The following COG5 variants were observed in gnomAD, a reference collection of about 807,000 sequenced individuals.
COG5 encodes component of oligomeric golgi complex 5.
A neutral mutation model predicts 110.4 loss-of-function variants in COG5; 86 were observed. That is an observed-to-expected ratio of 0.78 (90% CI 0.65 to 0.93). The LOEUF is 0.93. Ranked by LOEUF, COG5 falls within the 40% of genes least tolerant of loss-of-function variation. COG5 has a pLI of 0.00. For synonymous variants in COG5, 360 were observed against 334.6 expected, an observed-to-expected ratio of 1.08 and a Z score of -0.83; for missense variants, 1,077 against 987.0, an observed-to-expected ratio of 1.09 and a Z score of -1.22.
intron 8 of COG5, among the ~76,000 whole-genome samples, chr7:107,363,975 T>C (rs896436612): frequency 6.6e-6 from 1 of 151,830 alleles, no homozygotes; most frequent in Non-Finnish European, 1.5e-5. Flanking sequence ...AAAAAAGTTA[T>C]TGAGAACAAG....
chr7:107,221,981 G>C (rs372945142), intron 19 of COG5, among the ~76,000 whole-genome samples: 1 of 151,854 alleles, frequency 6.6e-6, no homozygotes, highest in African/African-American at 2.4e-5. Context: ...TATTCTTGAC[G>C]CAAACTGTAA....
At chr7:107,264,683 AT>A (rs1239491248) in intron 14 of COG5, among the ~76,000 whole-genome samples, 2 of 152,166 alleles carry the variant, frequency 1.3e-5, no homozygotes, top group East Asian at 3.8e-4. Context: ...ACAGATCCAG[AT>A]CCTGTCTCAA....
chr7:107,509,924 G>A (rs183627574), intron 6 of COG5, among the ~76,000 whole-genome samples: 253 of 152,156 alleles, frequency 1.7e-3, no homozygotes, highest in Middle Eastern at 3.4e-3. Context: ...AGGAACAACC[G>A]GTACCAGCCA....
intron 6 of COG5, among the ~76,000 whole-genome samples, chr7:107,477,214 A>C (rs1413196316): frequency 6.6e-6 from 1 of 151,748 alleles, no homozygotes; most frequent in Non-Finnish European, 1.5e-5. Context: ...CCAGGAAATA[A>C]AACAAGCTCA....
At chr7:107,331,105 T>C (rs549080366) in intron 10 of COG5, among the ~76,000 whole-genome samples, 21 of 152,304 alleles carry the variant, frequency 1.4e-4, no homozygotes, top group Admixed American at 1.2e-3. Context: ...AAGGTATGTC[T>C]ACATTCATCA....
At chr7:107,442,534 G>A (rs1234455307) in intron 6 of COG5, among the ~76,000 whole-genome samples, 1 of 149,334 alleles carries the variant, frequency 6.7e-6, no homozygotes, top group African/African-American at 2.5e-5. Flanking sequence ...GTAAACATCA[G>A]CCCAACAGTA....
At chr7:107,229,593 T>G (rs1482764831) in intron 19 of COG5, among the ~76,000 whole-genome samples, 2 of 152,222 alleles carry the variant, frequency 1.3e-5, no homozygotes, top group Non-Finnish European at 2.9e-5. Context: ...TCAATGTTAT[T>G]CAACGTTCCT....
At chr7:107,511,572 G>T (rs1186067099) in intron 6 of COG5, among the ~76,000 whole-genome samples, 2 of 152,122 alleles carry the variant, frequency 1.3e-5, no homozygotes, top group Admixed American at 1.3e-4. Flanking sequence ...TGATACCAAA[G>T]CCTGGCAGAG....
At chr7:107,344,064 C>G (rs940193926) in intron 10 of COG5, among the ~76,000 whole-genome samples, 2 of 152,052 alleles carry the variant, frequency 1.3e-5, no homozygotes, top group African/African-American at 4.8e-5. Flanking sequence ...TTAATGTTAC[C>G]AGGGGCATTA....
At chr7:107,337,823 T>C (rs982242417) in intron 10 of COG5, among the ~76,000 whole-genome samples, 5 of 152,086 alleles carry the variant, frequency 3.3e-5, no homozygotes, top group Non-Finnish European at 7.4e-5. Context: ...CACATGGAAA[T>C]AGGTACCTGA....
At chr7:107,431,798 G>A (rs1794043987) in intron 6 of COG5, among the ~76,000 whole-genome samples, 1 of 152,082 alleles carries the variant, frequency 6.6e-6, no homozygotes, top group Admixed American at 6.5e-5. Flanking sequence ...TGGGACCACA[G>A]GCATGCACCA....
intron 3 of COG5, among the ~76,000 whole-genome samples, chr7:107,551,455 A>T (rs1296080883): frequency 2.0e-5 from 3 of 152,218 alleles, no homozygotes; most frequent in Admixed American, 6.5e-5. Context: ...TGCTAAAAAA[A>T]TTTTACATAT....
intron 10 of COG5, among the ~76,000 whole-genome samples, chr7:107,329,181 CA>C (rs1466404045): frequency 1.3e-5 from 2 of 152,124 alleles, no homozygotes; most frequent in Non-Finnish European, 2.9e-5. Flanking sequence ...TATCCTAATA[CA>C]ATTGTTGAAT....
chr7:107,474,936 T>C lies in COG5; in HGVS notation c.538+52301A>G. 1 of 1,612,918 alleles carries C rather than the reference T, an allele frequency of 6.2e-7. No homozygotes were observed. Among genetic ancestry groups the C allele is most frequent in the Non-Finnish European group, 8.5e-7 (1 of 1,179,438 alleles). On this transcript the variant is annotated intron_variant, in intron 6 of 21. Transcript: ENST00000297135. The surrounding 1 kb of genome is among the most constrained non-coding windows in gnomAD (Gnocchi z 5.7). ...TAAGAACTTCAGTTTCTGTAATAAT[T>C]GCCCTCCGGCGAGCTGTGAAACGAC...
intron 12 of COG5, among the ~76,000 whole-genome samples, chr7:107,297,103 A>G (rs1806814548): frequency 1.3e-5 from 2 of 152,118 alleles, no homozygotes; most frequent in African/African-American, 4.8e-5. Context: ...GTGACCTAAG[A>G]GATTTTCAGG....
At chr7:107,509,923 C>T (rs191562264) in intron 6 of COG5, among the ~76,000 whole-genome samples, 311 of 152,206 alleles carry the variant, frequency 2.0e-3, no homozygotes, top group African/African-American at 5.3e-3. Flanking sequence ...AAGGAACAAC[C>T]GGTACCAGCC....
intron 11 of COG5, among the ~76,000 whole-genome samples, chr7:107,318,228 A>G (rs1808935794): frequency 6.6e-6 from 1 of 152,082 alleles, no homozygotes; most frequent in South Asian, 2.1e-4. Context: ...GGGTTTCACC[A>G]TGTTGGCCAG....
At chr7:107,446,792 A>C (rs1164633915) in intron 6 of COG5, among the ~76,000 whole-genome samples, 2 of 152,152 alleles carry the variant, frequency 1.3e-5, no homozygotes, top group Non-Finnish European at 2.9e-5. Flanking sequence ...ACTTCACTAC[A>C]ACCTCATGAG....
intron 10 of COG5, among the ~76,000 whole-genome samples, chr7:107,339,499 T>C (rs571964613): frequency 6.6e-6 from 1 of 152,148 alleles, no homozygotes; most frequent in African/African-American, 2.4e-5. Context: ...ATTCTGGACT[T>C]AAGTTCAGCA....
Sources: allele counts gnomAD v4.1 joint callset (sites outside exome capture counted in the v4.1 genomes callset), GRCh38; gene constraint gnomAD v4.1.1; non-coding constraint Gnocchi (gnomAD v3.1); transcripts MANE v1.5; gene names NCBI Gene and HGNC (gene_info 2026-07-23, HGNC 2026-07-21).